ADCK2: variants seen among roughly 807,000 people sequenced by gnomAD.
ADCK2 encodes the protein uncharacterized aarF domain-containing protein kinase 2.
ADCK2 carries 37 observed loss-of-function variants against 52.3 expected under a neutral mutation model. The ratio of observed to expected loss-of-function variants is 0.71; its 90% CI spans 0.54 to 0.93. ADCK2 has a LOEUF of 0.93. Ranked by LOEUF, ADCK2 falls within the 40% of genes least tolerant of loss-of-function variation. The pLI, the probability that ADCK2 is intolerant of heterozygous loss-of-function variation, is 0.00. For synonymous variants in ADCK2, 321 were observed against 349.2 expected, an observed-to-expected ratio of 0.92 and a Z score of 0.90; for missense variants, 695 against 798.7, an observed-to-expected ratio of 0.87 and a Z score of 1.56.
At chr7:140,679,420 T>C in intron 3 of ADCK2, 137 bp downstream of exon 3, 1 of 1,322,778 alleles carries the variant, frequency 7.6e-7, no homozygotes, top group South Asian at 1.4e-5. Context: ...TGGGATGTGT[T>C]GGCCTCGGCG....
Position 140,678,130 on chromosome 7 carries a change from A to T in ADCK2, c.1081-1025A>T, listed in dbSNP as rs530384013. Among the ~76,000 whole-genome samples the T allele has an allele frequency of 1.3e-5, 2 of 152,246 alleles. No homozygotes were observed. Among genetic ancestry groups the T allele is most frequent in the Admixed American group, 1.3e-4 (2 of 15,300 alleles). On this transcript the variant is annotated intron_variant, in intron 2 of 7. Transcript: ENST00000072869. This position sits in a 1 kb window ranked among gnomAD's most constrained non-coding sequence, Gnocchi z 4.9. The stretch of plus-strand genomic sequence containing the variant: ...AGGCACCTCTGTTTGTGCTCAGGTG[A>T]CTGGACCTGAGGGCATGCGCCTTGG...
intron 3 of ADCK2, 131 bp from the exon 4 acceptor site, chr7:140,680,911 C>A: frequency 1.3e-6 from 1 of 754,192 alleles, no homozygotes; most frequent in Non-Finnish European, 2.3e-6. Flanking sequence ...CAGATGGGTT[C>A]TAGGAAAGGA....
At chr7:140,690,343 C>T (rs916103508) in intron 6 of ADCK2, among the ~76,000 whole-genome samples, 2 of 152,114 alleles carry the variant, frequency 1.3e-5, no homozygotes, top group African/African-American at 4.8e-5. Flanking sequence ...GCTGGGATTA[C>T]AGGCACCCGC....
chr7:140,687,546 C>T (rs185900108), intron 5 of ADCK2, among the ~76,000 whole-genome samples: 4 of 152,186 alleles, frequency 2.6e-5, no homozygotes, highest in Non-Finnish European at 5.9e-5. Flanking sequence ...GAAATCCTGT[C>T]TCTACTAAAA....
chr7:140,686,438 G>A (rs945540820), intron 4 of ADCK2, among the ~76,000 whole-genome samples: 6 of 152,116 alleles, frequency 3.9e-5, no homozygotes, highest in African/African-American at 1.4e-4. Flanking sequence ...GTGCCACCAT[G>A]TCCAGCTAAT....
Position 140,686,982 on chromosome 7 carries a change from C to T in ADCK2, c.1306-8C>T. On this transcript the variant is annotated splice_region_variant and splice_polypyrimidine_tract_variant and intron_variant, in intron 4 of 7. Coordinates refer to ENST00000072869, the MANE Select transcript of ADCK2 (RefSeq NM_052853.4). ...GACTCACTCATGAGCATTGTGATCT[C>T]CTTCCAGATATTTGTGGATAACTTT... The T allele has an allele frequency of 2.5e-6, 4 of 1,611,202 alleles. No homozygotes were observed. The highest frequency in any genetic ancestry group is 3.4e-6 in the Non-Finnish European group (4 of 1,177,514).
At chr7:140,679,712 G>A (rs1221641556) in intron 3 of ADCK2, among the ~76,000 whole-genome samples, 1 of 114,032 alleles carries the variant, frequency 8.8e-6, no homozygotes, top group African/African-American at 3.5e-5. Context: ...TCACTCTGTT[G>A]CCCAGGCTGG....
chr7:140,687,840 T>C (rs1794632878), intron 5 of ADCK2, among the ~76,000 whole-genome samples: 1 of 151,822 alleles, frequency 6.6e-6, no homozygotes, highest in South Asian at 2.1e-4. Flanking sequence ...ATTGCACTGC[T>C]CTACTGCAGC....
rs1325126720 is a variant in ADCK2, at chr7:140,673,636, C to G, written c.306C>G (p.Arg102=). The change falls in exon 1 of 8, where the codon CGC becomes CGG. Residue 102 remains arginine, a synonymous_variant. Coordinates refer to ENST00000072869, the MANE Select transcript of ADCK2 (RefSeq NM_052853.4). The surrounding 1 kb of genome is among the most constrained non-coding windows in gnomAD (Gnocchi z 6.4). ...TCCTGCATCTCCGCCTCTGGCTTCG[C>G]GCCGGCGCTCTGTTGGTGAAATTCT... ...GVFLHLRLWL[R]AGALLVKFFP... 1 of 1,610,076 alleles carries G rather than the reference C, an allele frequency of 6.2e-7. No individual in the cohort carries two copies. Among genetic ancestry groups the G allele is most frequent in the Non-Finnish European group, 8.5e-7 (1 of 1,179,972 alleles).
In ADCK2 at chr7:140,687,186, A is replaced by T. The variant is rs1794619939; in HGVS notation, c.1502A>T (p.Gln501Leu). ...LLDAGIVAEL[Q>L]APDLRNFRAV... ...GATGCTGGCATTGTGGCGGAGCTGC[A>T]GGCCCCTGACCTGAGGAATTTCCGG... Residue 501 changes from glutamine (Q) to leucine (L), a missense_variant, in exon 5 of 8, where the codon CAG (glutamine) becomes CTG (leucine). By Grantham distance (113) the Gln-to-Leu change is moderately radical. Transcript: ENST00000072869. 6.3e-7 allele frequency: 1 copy of T among 1,594,322 alleles called. No individual in the cohort carries two copies. Among genetic ancestry groups the T allele is most frequent in the African/African-American group, 1.3e-5 (1 of 74,562 alleles).
Position 140,676,660 on chromosome 7 carries a change from G to C in ADCK2, c.1080+1903G>C, listed in dbSNP as rs573911274. On this transcript the variant is annotated intron_variant, in intron 2 of 7. Transcript: ENST00000072869. The stretch of plus-strand genomic sequence containing the variant: ...ATGTTCCTAGGCTGGAAGCCTTAGA[G>C]TTGTGGGTCTGGGTATAGTGTGTGA... Among the ~76,000 whole-genome samples the C allele has an allele frequency of 1.1e-4, 17 of 152,326 alleles. 1 individual carries two copies. The highest frequency in any genetic ancestry group is 4.1e-4 in the African/African-American group (17 of 41,582).
chr7:140,678,145 A>ATG lies in ADCK2; in HGVS notation c.1081-1009_1081-1008dup, dbSNP rs1182182238. On this transcript the variant is annotated intron_variant, in intron 2 of 7. Coordinates refer to ENST00000072869, the MANE Select transcript of ADCK2 (RefSeq NM_052853.4). The surrounding 1 kb of genome is among the most constrained non-coding windows in gnomAD (Gnocchi z 4.9). ...TGCTCAGGTGACTGGACCTGAGGGC[A>ATG]TGCGCCTTGGGAGTGGCATTGGGGG... 6.6e-6 allele frequency among the ~76,000 whole-genome samples: 1 copy of ATG among 152,172 alleles called. No homozygotes were observed. Among genetic ancestry groups the ATG allele is most frequent in the Non-Finnish European group, 1.5e-5 (1 of 68,026 alleles).
intron 4 of ADCK2, among the ~76,000 whole-genome samples, chr7:140,683,362 T>C (rs1794551128): frequency 6.6e-6 from 1 of 152,152 alleles, no homozygotes; most frequent in Non-Finnish European, 1.5e-5. Context: ...CACAACCTCA[T>C]GTCCACTGTG....
Position 140,686,994 on chromosome 7 carries a change from T to C in ADCK2, c.1310T>C (p.Phe437Ser). The part of the protein sequence containing the change: ...LGINMLLKMI[F>S]VDNFVHADLH... ...AGCATTGTGATCTCCTTCCAGATAT[T>C]TGTGGATAACTTTGTCCATGCAGAC... is the stretch of plus-strand genomic sequence containing the variant. The change falls in exon 5 of 8, where the codon TTT (phenylalanine) becomes TCT (serine). Residue 437 changes from phenylalanine (F) to serine (S), a missense_variant. Coordinates refer to ENST00000072869, the MANE Select transcript of ADCK2 (RefSeq NM_052853.4). 1.9e-6 allele frequency: 3 copies of C among 1,611,902 alleles called. No homozygotes were observed. Among genetic ancestry groups the C allele is most frequent in the Non-Finnish European group, 2.5e-6 (3 of 1,178,086 alleles).
Position 140,674,675 on chromosome 7 carries a change from G to T in ADCK2, c.998G>T (p.Arg333Leu). The change falls in exon 2 of 8, where the codon CGA becomes CTA. Residue 333 changes from arginine to leucine, a missense_variant. Coordinates refer to ENST00000072869, the MANE Select transcript of ADCK2 (RefSeq NM_052853.4). The surrounding 1 kb of genome is among the most constrained non-coding windows in gnomAD (Gnocchi z 4.6). ...CTGCTGCTGATGAAGATTGGCAGCCGAGTCCTGGGAGTTTTGCCAGGCATC... is the reference window on the plus strand; with the variant it reads ...CTGCTGCTGATGAAGATTGGCAGCCTAGTCCTGGGAGTTTTGCCAGGCATC... ...MDLLLMKIGS[R>L]VLGVLPGIKW... The T allele has an allele frequency of 6.2e-7, 1 of 1,614,148 alleles. No individual in the cohort carries two copies. Among genetic ancestry groups the T allele is most frequent in the East Asian group, 2.2e-5 (1 of 44,882 alleles).
chr7:140,674,457 T>G lies in ADCK2; in HGVS notation c.934-154T>G, dbSNP rs911389582. The G allele has an allele frequency of 9.8e-6, 11 of 1,126,578 alleles. No homozygotes were observed. The highest frequency in any genetic ancestry group is 1.1e-5 in the Non-Finnish European group (9 of 814,728). 69.8% of individuals were successfully genotyped at this position (1,126,578 alleles called of 1,614,324 possible). ...GTCTGATAGAGGAAAATGAACTGAG[T>G]CTGGAGTGAACTAACTGCTTGGGTG... On this transcript the variant is annotated intron_variant, in intron 1 of 7. Coordinates refer to ENST00000072869, the MANE Select transcript of ADCK2 (RefSeq NM_052853.4). This position sits in a 1 kb window ranked among gnomAD's most constrained non-coding sequence, Gnocchi z 4.6.
chr7:140,676,163 G>T (rs1427797493), intron 2 of ADCK2, among the ~76,000 whole-genome samples: 1 of 152,204 alleles, frequency 6.6e-6, no homozygotes, highest in South Asian at 2.1e-4. Flanking sequence ...TTCGATGTCT[G>T]GTGAGGCCCC....
rs115200622 is a variant in ADCK2 at position 140,693,646 on chromosome 7, C to T, written c.1741-1017C>T. Among the ~76,000 whole-genome samples the T allele has an allele frequency of 3.4e-3, 524 of 152,310 alleles. 3 individuals carry two copies. The highest frequency in any genetic ancestry group is 0.012 in the African/African-American group (500 of 41,568). ...GAAGAATCCATGTCAATTGCTATTACTACTAATCTGGCTCTGAAGGGACAG... is the reference window on the plus strand; with the variant it reads ...GAAGAATCCATGTCAATTGCTATTATTACTAATCTGGCTCTGAAGGGACAG... On this transcript the variant is annotated intron_variant, in intron 7 of 7. Transcript: ENST00000072869. The surrounding 1 kb of genome is among the most constrained non-coding windows in gnomAD (Gnocchi z 4.0).
chr7:140,680,043 G>A (rs1794489971), intron 3 of ADCK2, among the ~76,000 whole-genome samples: 1 of 152,126 alleles, frequency 6.6e-6, no homozygotes, highest in Non-Finnish European at 1.5e-5. Context: ...ACCACACAGT[G>A]TTTCTAGCTG....
Sources: allele counts gnomAD v4.1 joint callset (sites outside exome capture counted in the v4.1 genomes callset), GRCh38; gene constraint gnomAD v4.1.1; non-coding constraint Gnocchi (gnomAD v3.1); transcripts MANE v1.5; gene names NCBI Gene and HGNC (gene_info 2026-07-23, HGNC 2026-07-21).